The following SAMD3 variants were observed in gnomAD, a reference collection of about 807,000 sequenced individuals.
SAMD3 encodes sterile alpha motif domain containing 3.
Under a neutral mutation model 58.5 loss-of-function variants are expected in SAMD3, and 63 were observed. The observed-to-expected ratio is 1.08, with a 90% CI of 0.88 to 1.33. SAMD3 has a LOEUF of 1.33. Ranked by LOEUF, SAMD3 falls within the 40% of genes most tolerant of loss-of-function variation. The probability of loss-of-function intolerance (pLI) is 0.00; values close to 1 mark genes in which losing one functional copy is unlikely to be tolerated. For synonymous variants in SAMD3, 220 were observed against 210.3 expected (o/e 1.05, Z -0.40); for missense variants, 604 against 608.4 (o/e 0.99, Z 0.08).
chr6:130,167,105 C>T (rs1357701962), intron 8 of SAMD3, among the ~76,000 whole-genome samples: 4 of 151,944 alleles, frequency 2.6e-5, no homozygotes, highest in Non-Finnish European at 5.9e-5. Context: ...CAAGAGTACT[C>T]TATAATGGTT....
chr6:130,167,630 C>T (rs1425970489), intron 8 of SAMD3, among the ~76,000 whole-genome samples: 1 of 152,086 alleles, frequency 6.6e-6, no homozygotes, highest in Non-Finnish European at 1.5e-5. Context: ...TTTATAAATA[C>T]ACGATGAGGT....
rs144887301 is a variant in SAMD3 at position 130,304,640 on chromosome 6, G to A, written c.-188+8338C>T. Among the ~76,000 whole-genome samples the A allele has an allele frequency of 2.1e-3, 321 of 151,982 alleles. 2 individuals carry two copies. The highest frequency in any genetic ancestry group is 7.2e-3 in the African/African-American group (300 of 41,438). On this transcript the variant is annotated intron_variant, in intron 2 of 13. Transcript: ENST00000368134. ...TACTCTTTTGCTTTAGGAGAGTTTT[G>A]GCTCTTTTCCGGACTCTTGGAATTC...
chr6:130,173,223 C>T (rs1247556685), intron 8 of SAMD3, among the ~76,000 whole-genome samples: 1 of 152,060 alleles, frequency 6.6e-6, no homozygotes, highest in Non-Finnish European at 1.5e-5. Flanking sequence ...AGTTTTGTGC[C>T]CTTGTTGGAA....
intron 7 of SAMD3, among the ~76,000 whole-genome samples, chr6:130,178,401 G>C (rs1791944820): frequency 6.6e-6 from 1 of 150,600 alleles, no homozygotes; most frequent in Non-Finnish European, 1.5e-5. Context: ...AAAAACCCCT[G>C]CAGGCATATG....
chr6:130,281,876 G>A (rs931324568), intron 2 of SAMD3, among the ~76,000 whole-genome samples: 2 of 139,862 alleles, frequency 1.4e-5, no homozygotes, highest in Non-Finnish European at 3.1e-5. Flanking sequence ...TCGTGTCACT[G>A]CACTCCTTGA....
chr6:130,288,767 T>C (rs1035165419), intron 2 of SAMD3, among the ~76,000 whole-genome samples: 1 of 152,124 alleles, frequency 6.6e-6, no homozygotes, highest in Non-Finnish European at 1.5e-5. Flanking sequence ...CTTAGGTGAG[T>C]GGGAGAGTAG....
intron 2 of SAMD3, among the ~76,000 whole-genome samples, chr6:130,309,325 T>C (rs1776060383): frequency 6.6e-6 from 1 of 152,212 alleles, no homozygotes; most frequent in Non-Finnish European, 1.5e-5. Context: ...TTTCAGCAAG[T>C]TTCACTTTCC....
At chr6:130,261,663 A>T (rs1562486374) in intron 2 of SAMD3, among the ~76,000 whole-genome samples, 3 of 152,138 alleles carry the variant, frequency 2.0e-5, no homozygotes, top group Non-Finnish European at 4.4e-5. Context: ...CCTACTAGGA[A>T]CTATGTTGAA....
chr6:130,308,629 A>C lies in SAMD3; in HGVS notation c.-188+4349T>G, dbSNP rs1305810554. On this transcript the variant is annotated intron_variant, in intron 2 of 13. Transcript: ENST00000368134. ...TAGATAACTAGATTAGGACTCTGGA[A>C]CAAGGGAAGGATAAAGTCTGCCTCA... 2.6e-5 allele frequency among the ~76,000 whole-genome samples: 4 copies of C among 152,040 alleles called. No homozygotes were observed. The East Asian group carries it at 7.7e-4, about 29-fold the overall frequency.
At position 130,296,510 on chromosome 6, in the gene SAMD3, G is replaced by A. The variant is rs1289160017; in HGVS notation, c.-188+16468C>T. 3.9e-5 allele frequency among the ~76,000 whole-genome samples: 6 copies of A among 152,198 alleles called. No homozygotes were observed. The East Asian group carries it at 1.2e-3, about 29-fold the overall frequency. On this transcript the variant is annotated intron_variant, in intron 2 of 13. Transcript: ENST00000368134. The stretch of plus-strand genomic sequence containing the variant: ...CAGATGTGAAGGAATATCATCTCCT[G>A]CCTTCCCCGATAACTTGTTGGGGAT...
chr6:130,254,346 C>T (rs1773852692), intron 2 of SAMD3, among the ~76,000 whole-genome samples: 1 of 151,738 alleles, frequency 6.6e-6, no homozygotes, highest in Admixed American at 6.6e-5. Flanking sequence ...GGTGCCCTGC[C>T]ACCACACCTG....
In SAMD3 at chr6:130,222,799, G is replaced by T. The variant is rs1025925056; in HGVS notation, c.-173C>A. 2 of 152,148 alleles carry T rather than the reference G, an allele frequency of 1.3e-5. No homozygotes were observed. The highest frequency in any genetic ancestry group is 2.9e-5 in the Non-Finnish European group (2 of 68,024). The allele number at this position is 152,148 out of a possible 1,614,324, so 9.4% of individuals were successfully genotyped here. On this transcript the variant is annotated 5_prime_UTR_variant, in exon 1 of 12. Transcript: ENST00000439090. ...AATCCGATCAGTGGATGTGGTTCTG[G>T]TTCCTTTGTTTTATCTGAAAAATGG... is the stretch of plus-strand genomic sequence containing the variant.
chr6:130,185,857 C>G (rs1237685303), intron 5 of SAMD3, among the ~76,000 whole-genome samples: 1 of 152,074 alleles, frequency 6.6e-6, no homozygotes, highest in African/African-American at 2.4e-5. Flanking sequence ...ATCTCGAACT[C>G]TAGGCTCAAG....
intron 5 of SAMD3, among the ~76,000 whole-genome samples, chr6:130,193,854 T>G (rs1562426513): frequency 6.6e-6 from 1 of 152,108 alleles, no homozygotes; most frequent in Non-Finnish European, 1.5e-5. Context: ...CTTTTACACA[T>G]CAGTCCCTTC....
chr6:130,184,458 A>T lies in SAMD3; in HGVS notation c.549T>A (p.Thr183=). 2 of 1,614,042 alleles carry T rather than the reference A, an allele frequency of 1.2e-6. No individual in the cohort carries two copies. The highest frequency in any genetic ancestry group is 2.2e-5 in the South Asian group (2 of 91,050). Residue 183 remains threonine, a synonymous_variant, in exon 6 of 12, where the codon ACT becomes ACA. Transcript: ENST00000439090. ...CTCACAGTGAGCCTTCCAGATACTT[A>T]GTCATGTCGGCCTGGAGAAACTCAA... ...RIIEFLQADM[T]KYLEGSLYPS... is the part of the protein sequence containing the mutation.
intron 2 of SAMD3, among the ~76,000 whole-genome samples, chr6:130,239,855 A>T (rs898996386): frequency 6.6e-6 from 1 of 152,130 alleles, no homozygotes; most frequent in Non-Finnish European, 1.5e-5. Flanking sequence ...CACCTGACAC[A>T]CTCACTGTGG....
rs151301861 is a variant in SAMD3, at chr6:130,216,221, A to G, written c.-22+350T>C. Reference sequence around the variant, plus strand: ...ATTCCTTGTTTTTGTAATTCAATCCAAAGGACCTCTGATGGACTTGGAGAG... The same window carrying G: ...ATTCCTTGTTTTTGTAATTCAATCCGAAGGACCTCTGATGGACTTGGAGAG... On this transcript the variant is annotated intron_variant, in intron 2 of 11. Transcript: ENST00000439090. Among the ~76,000 whole-genome samples the G allele has an allele frequency of 5.4e-3, 822 of 152,114 alleles. 9 individuals carry two copies. The highest frequency in any genetic ancestry group is 0.019 in the African/African-American group (775 of 41,456).
chr6:130,326,940 G>A (rs1776779646), intron 1 of SAMD3, among the ~76,000 whole-genome samples: 1 of 152,144 alleles, frequency 6.6e-6, no homozygotes, highest in South Asian at 2.1e-4. Context: ...ATTTTAAATT[G>A]TAATTTATTT....
intron 5 of SAMD3, among the ~76,000 whole-genome samples, chr6:130,201,718 A>G (rs979630169): frequency 1.3e-5 from 2 of 152,156 alleles, no homozygotes; most frequent in Admixed American, 1.3e-4. Flanking sequence ...CCTCCATGCT[A>G]TTTCAGGTGT....
Sources: allele counts gnomAD v4.1 joint callset (sites outside exome capture counted in the v4.1 genomes callset), GRCh38; gene constraint gnomAD v4.1.1; transcripts MANE v1.5; gene names NCBI Gene and HGNC (gene_info 2026-07-23, HGNC 2026-07-21).